Variants in ARRDC3 observed in about 807,000 individuals in gnomAD.
ARRDC3 encodes arrestin domain-containing protein 3.
In ARRDC3, 10 loss-of-function variants were observed where a neutral mutation model predicts 47.2. That is an observed-to-expected ratio of 0.21 (90% CI 0.13 to 0.36). ARRDC3 has a LOEUF of 0.36. Ranked by LOEUF, ARRDC3 falls within the 10% of genes least tolerant of loss-of-function variation. ARRDC3 has a pLI of 1.00. For synonymous variants in ARRDC3, 156 were observed against 178.3 expected (o/e 0.87, Z 1.00); for missense variants, 381 against 503.6 (o/e 0.76, Z 2.33).
At chr5:91,374,058 A>T in intron 6 of ARRDC3, 56 bp downstream of exon 6, 1 of 1,554,052 alleles carries the variant, frequency 6.4e-7, no homozygotes, top group Non-Finnish European at 8.7e-7. Context: ...GAGGCAAAAT[A>T]ATTTTCTTGA....
rs745804769 is a variant in ARRDC3, at chr5:91,374,276, C to A, written c.871G>T (p.Val291Leu). ...SIIRVEYSLM[V>L]YVDIPGAMDL... is the part of the protein sequence containing the mutation. ...ATAGCTCCAGGAATATCCACATATA[C>A]CTAAACATTGCAAAGAAATATTAAG... The change falls in exon 6 of 8, where the codon GTA (valine) becomes TTA (leucine). Residue 291 changes from valine (V) to leucine (L), a missense_variant and splice_region_variant. Physicochemically the swap from Val to Leu is conservative, Grantham distance 32 (BLOSUM62 1). Coordinates refer to ENST00000265138, the MANE Select transcript of ARRDC3 (RefSeq NM_020801.4). The A allele has an allele frequency of 1.2e-6, 2 of 1,604,708 alleles. No homozygotes were observed. Among genetic ancestry groups the A allele is most frequent in the Non-Finnish European group, 1.7e-6 (2 of 1,175,706 alleles).
At chr5:91,381,594 A>G (rs1799459549) in intron 1 of ARRDC3, among the ~76,000 whole-genome samples, 1 of 152,176 alleles carries the variant, frequency 6.6e-6, no homozygotes, top group South Asian at 2.1e-4. Context: ...CTGTCCCTCA[A>G]AGCATCCTTC....
rs1799128117 is a variant in ARRDC3 at position 91,369,845 on chromosome 5, A to G, written c.*1555T>C. 1 of 152,196 alleles carries G rather than the reference A, an allele frequency of 6.6e-6. No individual in the cohort carries two copies. The highest frequency in any genetic ancestry group is 2.4e-5 in the African/African-American group (1 of 41,456). The allele number at this position is 152,196 out of a possible 1,614,324, so 9.4% of individuals were successfully genotyped here. A position where few individuals can be genotyped will look rare whatever the true frequency, so the allele number is the denominator to read the frequency against. The stretch of plus-strand genomic sequence containing the variant: ...CATGAATGCTGGTATATTTGTTATG[A>G]GCCAACAGAAAATTACCTTTAATAT... On this transcript the variant is annotated 3_prime_UTR_variant, in exon 8 of 8. Coordinates refer to ENST00000265138, the MANE Select transcript of ARRDC3 (RefSeq NM_020801.4).
chr5:91,378,124 C>T (rs1394666449), intron 2 of ARRDC3, among the ~76,000 whole-genome samples: 2 of 151,628 alleles, frequency 1.3e-5, no homozygotes, highest in African/African-American at 4.8e-5. Flanking sequence ...TTAATGTATC[C>T]TTGATGCATG....
chr5:91,380,945 G>C (rs1341629273), intron 1 of ARRDC3: 1 of 152,370 alleles, frequency 6.6e-6, no homozygotes, highest in African/African-American at 2.4e-5. Flanking sequence ...GCTGGGTGGG[G>C]GTCGCTCTGG....
At chr5:91,372,903 A>C (rs1561289712) in intron 7 of ARRDC3, among the ~76,000 whole-genome samples, 1 of 152,134 alleles carries the variant, frequency 6.6e-6, no homozygotes, top group Non-Finnish European at 1.5e-5. Context: ...CTAGTGGCTA[A>C]AGTCACTCTG....
At chr5:91,374,895 G>A in intron 5 of ARRDC3, 27 bp downstream of exon 5, 1 of 1,603,414 alleles carries the variant, frequency 6.2e-7, no homozygotes. Context: ...AAAAAGAAAG[G>A]AAAAAACCTC....
chr5:91,371,478 A>G, intron 7 of ARRDC3, 22 bp from the exon 8 acceptor site: 3 of 1,589,924 alleles, frequency 1.9e-6, no homozygotes, highest in Non-Finnish European at 2.6e-6. Context: ...TGAGAAAAAA[A>G]GTTTACAGAG....
At chr5:91,371,571 C>CAGCTT in intron 7 of ARRDC3, 115 bp from the exon 8 acceptor site, 1 of 752,946 alleles carries the variant, frequency 1.3e-6, no homozygotes, top group South Asian at 1.8e-5. Context: ...AGAGCAAACA[C>CAGCTT]AGCTTGTTAG....
intron 3 of ARRDC3, 119 bp from the exon 4 acceptor site, chr5:91,375,732 T>G (rs948399455): frequency 6.9e-6 from 4 of 578,384 alleles, no homozygotes; most frequent in Admixed American, 3.8e-5. Context: ...TGGTTTTGCT[T>G]TTTTTTTGTA....
rs1799173589 is a variant in ARRDC3, at chr5:91,371,389, C to T, written c.*11G>A. 6.2e-7 allele frequency: 1 copy of T among 1,610,306 alleles called. No homozygotes were observed. Among genetic ancestry groups the T allele is most frequent in the Non-Finnish European group, 8.5e-7 (1 of 1,176,814 alleles). On this transcript the variant is annotated 3_prime_UTR_variant, in exon 8 of 8. Transcript: ENST00000265138. ...GGAACCCACATCAACTTGATTCAAC[C>T]AAGTGTTCCTTCAACGAGAGGGGCA...
At chr5:91,375,361 C>T (rs190612976) in intron 4 of ARRDC3, 150 bp downstream of exon 4, 1 of 895,388 alleles carries the variant, frequency 1.1e-6, no homozygotes, top group African/African-American at 1.7e-5. Context: ...AAACTACATT[C>T]TACTTTGTGA....
chr5:91,371,717 T>C (rs1236999452), intron 7 of ARRDC3, among the ~76,000 whole-genome samples: 1 of 152,158 alleles, frequency 6.6e-6, no homozygotes, highest in Non-Finnish European at 1.5e-5. Flanking sequence ...AGTCCCCTAT[T>C]TCACAAAAAT....
In ARRDC3 at chr5:91,371,461, A is replaced by G; in HGVS notation, c.1189-5T>C. 6.2e-7 allele frequency: 1 copy of G among 1,612,198 alleles called. No homozygotes were observed. ...CTGATCAGGATTTGGATCAATCTAG[A>G]AAGAAATGAGAAAAAAAGTTTACAG... On this transcript the variant is annotated splice_region_variant and splice_polypyrimidine_tract_variant and intron_variant, in intron 7 of 7. Transcript: ENST00000265138.
chr5:91,378,444 C>T (rs917343584), intron 2 of ARRDC3, among the ~76,000 whole-genome samples: 4 of 151,932 alleles, frequency 2.6e-5, no homozygotes, highest in African/African-American at 9.7e-5. Flanking sequence ...AAAGGAAACC[C>T]TATTCCTATT....
intron 5 of ARRDC3, among the ~76,000 whole-genome samples, chr5:91,374,709 C>A (rs1015352269): frequency 2.0e-5 from 3 of 152,086 alleles, no homozygotes; most frequent in African/African-American, 7.2e-5. Flanking sequence ...CATGGTCAAA[C>A]TCCATCACTA....
Position 91,374,295 on chromosome 5 carries a change from T to C in ARRDC3, c.871-19A>G, listed in dbSNP as rs748349590. ...CATATACCTAAACATTGCAAAGAAA[T>C]ATTAAGTTTAGAATGCCAAGTATGA... On this transcript the variant is annotated intron_variant, in intron 5 of 7. Transcript: ENST00000265138. The C allele has an allele frequency of 2.5e-6, 4 of 1,593,620 alleles. No individual in the cohort carries two copies. Among genetic ancestry groups the C allele is most frequent in the Non-Finnish European group, 3.4e-6 (4 of 1,168,042 alleles).
intron 3 of ARRDC3, among the ~76,000 whole-genome samples, 160 bp from the exon 4 acceptor site, chr5:91,375,773 C>T (rs1002528966): frequency 4.0e-5 from 6 of 151,222 alleles, no homozygotes; most frequent in African/African-American, 1.2e-4. Context: ...TTTAACTAAC[C>T]GATGGTTTTG....
chr5:91,375,718 C>T, intron 3 of ARRDC3, 105 bp from the exon 4 acceptor site: 1 of 757,636 alleles, frequency 1.3e-6, no homozygotes. Context: ...TTAAAAATTA[C>T]AACTGGTTTT....
Sources: allele counts gnomAD v4.1 joint callset (sites outside exome capture counted in the v4.1 genomes callset), GRCh38; gene constraint gnomAD v4.1.1; transcripts MANE v1.5; gene names NCBI Gene and HGNC (gene_info 2026-07-23, HGNC 2026-07-21).